The following WDPCP variants were observed in gnomAD, a reference collection of about 807,000 sequenced individuals.
WDPCP encodes WD repeat containing planar cell polarity effector.
In WDPCP, 71 loss-of-function variants were observed where a neutral mutation model predicts 93.1. The observed-to-expected ratio is 0.76, with a 90% CI of 0.63 to 0.93. The LOEUF is 0.93. WDPCP is among the 40% of genes least tolerant of loss of function. The pLI is 0.00. For synonymous variants in WDPCP, 315 were observed against 315.0 expected (o/e 1.00, Z 0.00); for missense variants, 844 against 887.4 (o/e 0.95, Z 0.62).
chr2:63,738,809 C>G (rs1669674519), intron 2 of WDPCP, among the ~76,000 whole-genome samples: 1 of 151,930 alleles, frequency 6.6e-6, no homozygotes, highest in Non-Finnish European at 1.5e-5. Flanking sequence ...CACAACTGAA[C>G]ACACTCATGT....
intron 2 of WDPCP, among the ~76,000 whole-genome samples, chr2:63,696,196 C>T (rs1157404774): frequency 5.3e-5 from 8 of 152,082 alleles, no homozygotes; most frequent in African/African-American, 1.9e-4. Context: ...GGGCTGAGAA[C>T]CAAGCAGGTG....
At chr2:63,565,363 G>C (rs1706961623) in intron 1 of WDPCP, among the ~76,000 whole-genome samples, 1 of 152,090 alleles carries the variant, frequency 6.6e-6, no homozygotes, top group Non-Finnish European at 1.5e-5. Context: ...ATGACTGTTG[G>C]TCAGAACCAA....
At chr2:63,309,146 G>A (rs1412092089) in intron 13 of WDPCP, among the ~76,000 whole-genome samples, 2 of 151,942 alleles carry the variant, frequency 1.3e-5, no homozygotes, top group Non-Finnish European at 2.9e-5. Flanking sequence ...TTTACCTATT[G>A]GATACAATGT....
At chr2:63,572,726 A>AAAAAAAAAAAAAAAAAAAAAAT (rs56275317) in intron 1 of WDPCP, among the ~76,000 whole-genome samples, 1 of 144,764 alleles carries the variant, frequency 6.9e-6, no homozygotes, top group Non-Finnish European at 1.5e-5. Context: ...AAAAAAAAAA[A>AAAAAAAAAAAAAAAAAAAAAAT]GTTGGACAGC....
intron 9 of WDPCP, among the ~76,000 whole-genome samples, chr2:63,421,467 C>T (rs1036676131): frequency 6.6e-6 from 1 of 151,788 alleles, no homozygotes; most frequent in Non-Finnish European, 1.5e-5. Context: ...CAAATATAAT[C>T]AACTGATATT....
chr2:63,684,448 C>T, intron 2 of WDPCP: 2 of 842,490 alleles, frequency 2.4e-6, no homozygotes, highest in East Asian at 5.1e-5. Flanking sequence ...GAATTGACTG[C>T]TACCCCCGCA....
intron 2 of WDPCP, among the ~76,000 whole-genome samples, chr2:63,791,148 G>A (rs1670538875): frequency 6.6e-6 from 1 of 152,060 alleles, no homozygotes. Context: ...CGTCACTGGG[G>A]TCTATCATTT....
chr2:63,714,877 A>G (rs1669312598), intron 2 of WDPCP, among the ~76,000 whole-genome samples: 2 of 152,146 alleles, frequency 1.3e-5, no homozygotes, highest in Admixed American at 1.3e-4. Context: ...AAATGTTCAT[A>G]GCAGCACATT....
chr2:63,683,582 G>A (rs146854604), intron 2 of WDPCP, among the ~76,000 whole-genome samples: 1 of 152,208 alleles, frequency 6.6e-6, no homozygotes, highest in Non-Finnish European at 1.5e-5. Context: ...GCTGGGCGCA[G>A]TGGCTCACAT....
At chr2:63,797,122 C>T (rs1358743629) in intron 2 of WDPCP, among the ~76,000 whole-genome samples, 1 of 152,154 alleles carries the variant, frequency 6.6e-6, no homozygotes, top group Admixed American at 6.5e-5. Context: ...AGAAACCAAA[C>T]TTCCAGGATT....
intron 3 of WDPCP, chr2:63,599,233 A>G: frequency 1.9e-6 from 3 of 1,613,702 alleles, no homozygotes; most frequent in East Asian, 2.2e-5. Flanking sequence ...AGCTCCATCC[A>G]TCCCCAAGGA....
At chr2:63,747,392 T>C (rs1375055037) in intron 2 of WDPCP, among the ~76,000 whole-genome samples, 3 of 152,290 alleles carry the variant, frequency 2.0e-5, no homozygotes, top group East Asian at 1.9e-4. Flanking sequence ...TTTTCCTATG[T>C]ATTTTTTTAA....
Position 63,208,746 on chromosome 2 carries a change from C to T in WDPCP, c.1916-33914G>A, listed in dbSNP as rs188042436. Among the ~76,000 whole-genome samples the T allele has an allele frequency of 4.0e-4, 61 of 152,230 alleles. No homozygotes were observed. The East Asian group carries it at 6.9e-3, about 17-fold the overall frequency. On this transcript the variant is annotated intron_variant, in intron 14 of 17. Coordinates refer to ENST00000272321, the MANE Select transcript of WDPCP (RefSeq NM_015910.7). ...GACCATTAGAAGTCCCCCTACCTTC[C>T]GTGTGTTTCTCCCATGAAGCTGTTG...
At chr2:63,550,192 AACACACACACACACACACAC>A (rs56155473) in intron 1 of WDPCP, among the ~76,000 whole-genome samples, 4 of 44,354 alleles carry the variant, frequency 9.0e-5, no homozygotes, top group South Asian at 9.2e-4. Flanking sequence ...CATCTTAAGA[AACACACACACACACACACAC>A]ACACACACAC....
intron 6 of WDPCP, among the ~76,000 whole-genome samples, chr2:63,460,927 C>G (rs1330826746): frequency 2.0e-5 from 3 of 152,022 alleles, no homozygotes; most frequent in Non-Finnish European, 4.4e-5. Flanking sequence ...CGCCCAGCCA[C>G]TAAGTCTCTT....
rs146487083 is a variant in WDPCP at position 63,197,276 on chromosome 2, T to G, written c.1916-22444A>C. Among the ~76,000 whole-genome samples, 97 of 152,302 alleles carry G rather than the reference T, an allele frequency of 6.4e-4. No individual in the cohort carries two copies. The East Asian group carries it at 0.017, about 27-fold the overall frequency. On this transcript the variant is annotated intron_variant, in intron 14 of 17. Transcript: ENST00000272321. ...TTATGATTTTTATAATAAAATTTTC[T>G]TTTTTTCTAGCTTACTCTATTGTAA...
At chr2:63,677,032 C>G (rs930359593) in intron 2 of WDPCP, among the ~76,000 whole-genome samples, 4 of 152,104 alleles carry the variant, frequency 2.6e-5, no homozygotes, top group Admixed American at 1.3e-4. Context: ...AAAAACTACT[C>G]CCCCACAAAA....
chr2:63,577,327 CA>C (rs1247820937), intron 1 of WDPCP, among the ~76,000 whole-genome samples: 6 of 152,136 alleles, frequency 3.9e-5, no homozygotes, highest in Non-Finnish European at 5.9e-5. Flanking sequence ...ACAATTCACA[CA>C]ATGTACATGG....
At chr2:63,141,913 C>T (rs1320763402) in intron 17 of WDPCP, among the ~76,000 whole-genome samples, 2 of 152,074 alleles carry the variant, frequency 1.3e-5, no homozygotes, top group African/African-American at 4.8e-5. Flanking sequence ...TTTTCTAGTT[C>T]ATGTGCCTAA....
Sources: gnomAD v4.1 joint callset for allele counts (sites outside exome capture counted in the v4.1 genomes callset) on GRCh38, gnomAD v4.1.1 for gene constraint, MANE v1.5 for transcripts, NCBI Gene and HGNC (gene_info 2026-07-23, HGNC 2026-07-21) for gene names.